The following CTPS1 variants were observed in gnomAD, a reference collection of about 807,000 sequenced individuals.
CTPS1 encodes CTP synthetase 1.
Under a neutral mutation model 80.5 loss-of-function variants are expected in CTPS1, and 25 were observed. The ratio of observed to expected loss-of-function variants is 0.31; its 90% CI spans 0.23 to 0.43. CTPS1 has a LOEUF of 0.43. Among genes scored for constraint, CTPS1 ranks in the 20% least tolerant of loss-of-function variants. The pLI is 1.00. For missense variants in CTPS1, 442 were observed against 725.7 expected, an observed-to-expected ratio of 0.61 and a Z score of 4.49; for synonymous variants, 267 against 252.5, an observed-to-expected ratio of 1.06 and a Z score of -0.54.
In CTPS1 at chr1:41,007,572, C is replaced by G; in HGVS notation, c.1393+27C>G. 8 of 1,599,442 alleles carry G rather than the reference C, an allele frequency of 5.0e-6. No individual in the cohort carries two copies. The highest frequency in any genetic ancestry group is 6.9e-6 in the Non-Finnish European group (8 of 1,167,490). ...TAAGAGCTGCCTCACGCTGGCCCAG[C>G]CTTTGGCTCTGCGTGCCCAGGACGC... On this transcript the variant is annotated intron_variant, in intron 14 of 18. Transcript: ENST00000650070. This position sits in a 1 kb window ranked among gnomAD's most constrained non-coding sequence, Gnocchi z 4.4.
chr1:41,009,671 ACAGT>A, intron 17 of CTPS1, 82 bp downstream of exon 17: 1 of 1,522,936 alleles, frequency 6.6e-7, no homozygotes, highest in Non-Finnish European at 8.9e-7. Context: ...GCAACACGTC[ACAGT>A]CAGTCATAAG....
In CTPS1 at chr1:41,007,543, T is replaced by C. The variant is rs770906549; in HGVS notation, c.1391T>C (p.Met464Thr). ...RTLFQTKNSVMRKLYGDADYL... is the reference protein window; with the variant it reads ...RTLFQTKNSVTRKLYGDADYL... ...CTGTTCCAGACCAAGAACTCAGTCA[T>C]GAGTAAGAGCTGCCTCACGCTGGCC... The change falls in exon 14 of 19, where the codon ATG becomes ACG. Residue 464 changes from methionine to threonine, a missense_variant and splice_region_variant. Coordinates refer to ENST00000650070, the MANE Select transcript of CTPS1 (RefSeq NM_001905.4). The surrounding 1 kb of genome is among the most constrained non-coding windows in gnomAD (Gnocchi z 4.4). The C allele has an allele frequency of 1.9e-6, 3 of 1,613,846 alleles. No individual in the cohort carries two copies. The highest frequency in any genetic ancestry group is 2.2e-5 in the South Asian group (2 of 91,064).
At chr1:41,005,366 A>G (rs1643007424) in intron 12 of CTPS1, among the ~76,000 whole-genome samples, 1 of 151,674 alleles carries the variant, frequency 6.6e-6, no homozygotes, top group Non-Finnish European at 1.5e-5. Context: ...ATCGCTTGAG[A>G]CCTGGAGGTG....
chr1:40,983,374 G>A lies in CTPS1; in HGVS notation c.84G>A (p.Lys28=), dbSNP rs1331848751. 6.2e-7 allele frequency: 1 copy of A among 1,614,094 alleles called. No individual in the cohort carries two copies. ...IIASSVGTIL[K]SCGLHVTSIK... is the part of the protein sequence containing the mutation. ...CCAGCAGTGTGGGCACAATACTCAA[G>A]TCATGTGGTTTACATGTAACTTCAA... is the stretch of plus-strand genomic sequence containing the variant. The change falls in exon 2 of 19, where the codon AAG becomes AAA. Residue 28 remains lysine (K), a synonymous_variant. Transcript: ENST00000650070.
intron 3 of CTPS1, among the ~76,000 whole-genome samples, chr1:40,986,440 C>T (rs1436599530): frequency 2.0e-5 from 3 of 152,140 alleles, no homozygotes; most frequent in Admixed American, 6.5e-5. Flanking sequence ...GTCGCTGGGC[C>T]GCAGCAAGAA....
At chr1:40,984,798 A>T (rs1272092989) in intron 2 of CTPS1, 23 bp from the exon 3 acceptor site, 1 of 1,476,884 alleles carries the variant, frequency 6.8e-7, no homozygotes, top group African/African-American at 1.4e-5. Context: ...ACTTAACGTA[A>T]ATGGTTTCTC....
intron 11 of CTPS1, 60 bp downstream of exon 11, chr1:41,002,314 A>G: frequency 7.3e-7 from 1 of 1,376,234 alleles, no homozygotes; most frequent in Non-Finnish European, 1.0e-6. Context: ...GAACGGTGCC[A>G]CGTGGGAGCC....
At chr1:40,999,212 A>T (rs577422849) in intron 9 of CTPS1, among the ~76,000 whole-genome samples, 1 of 152,234 alleles carries the variant, frequency 6.6e-6, no homozygotes, top group South Asian at 2.1e-4. Flanking sequence ...TAGATAGAGC[A>T]CGTCCAAGGG....
rs143597296 is a variant in CTPS1 at position 40,984,576 on chromosome 1, A to G, written c.167-245A>G. On this transcript the variant is annotated intron_variant, in intron 2 of 18. Transcript: ENST00000650070. ...CTGGGCTGTCATTTCTTCCCATCCC[A>G]TGCTATTTTATAACTCTTCTTAAGA... Among the ~76,000 whole-genome samples, 482 of 152,290 alleles carry G rather than the reference A, an allele frequency of 3.2e-3. 1 individual carries two copies. Among genetic ancestry groups the G allele is most frequent in the African/African-American group, 0.011 (442 of 41,570 alleles).
intron 14 of CTPS1, among the ~76,000 whole-genome samples, chr1:41,008,138 G>A (rs2148419739): frequency 6.6e-6 from 1 of 152,292 alleles, no homozygotes; most frequent in Non-Finnish European, 1.5e-5. Flanking sequence ...CAACTCTGAT[G>A]TTCTGTGGAT....
rs547771441 is a variant in CTPS1, at chr1:40,982,003, T to C, written c.-13-1275T>C. 336 of 1,288,992 alleles carry C rather than the reference T, an allele frequency of 2.6e-4. 2 individuals are homozygous for C. In the African/African-American group the frequency reaches 4.8e-3, roughly 18 times the overall value. 79.8% of individuals were successfully genotyped at this position (1,288,992 alleles called of 1,614,324 possible). ...GTCCTGACCATGCCAAAGTAAGCAT[T>C]TTCTGCTACTTTCTAATTGTGTTTT... On this transcript the variant is annotated intron_variant, in intron 1 of 18. Coordinates refer to ENST00000650070, the MANE Select transcript of CTPS1 (RefSeq NM_001905.4).
intron 13 of CTPS1, among the ~76,000 whole-genome samples, 187 bp downstream of exon 13, chr1:41,006,281 A>G (rs926273273): frequency 2.0e-5 from 3 of 152,162 alleles, no homozygotes; most frequent in Non-Finnish European, 4.4e-5. Context: ...TTCCTCCCTA[A>G]TCTTTCATTG....
intron 7 of CTPS1, among the ~76,000 whole-genome samples, chr1:40,992,679 T>C (rs1377435133): frequency 6.8e-6 from 1 of 147,914 alleles, no homozygotes; most frequent in Non-Finnish European, 1.5e-5. Flanking sequence ...TTAAAATTGT[T>C]CAATTTTTTT....
chr1:41,009,068 G>T (rs1372242408), intron 16 of CTPS1, among the ~76,000 whole-genome samples, 178 bp downstream of exon 16: 1 of 152,204 alleles, frequency 6.6e-6, no homozygotes, highest in Non-Finnish European at 1.5e-5. Flanking sequence ...CTTCTTTCTG[G>T]TACATGGCCT....
intron 13 of CTPS1, among the ~76,000 whole-genome samples, chr1:41,006,892 G>A (rs947404573): frequency 6.6e-6 from 1 of 152,184 alleles, no homozygotes; most frequent in African/African-American, 2.4e-5. Flanking sequence ...CCTCAGGAGT[G>A]GACCAGCAAA....
chr1:41,005,843 G>T (rs1219217590), intron 12 of CTPS1, among the ~76,000 whole-genome samples: 3 of 152,052 alleles, frequency 2.0e-5, no homozygotes, highest in Non-Finnish European at 4.4e-5. Flanking sequence ...GTTCAAGGCT[G>T]CAGTGAGCTA....
chr1:40,991,982 C>A, intron 7 of CTPS1, 137 bp downstream of exon 7: 2 of 665,960 alleles, frequency 3.0e-6, no homozygotes, highest in Non-Finnish European at 5.3e-6. Context: ...TGCCATCGGC[C>A]ATTCCCTGCC....
At chr1:41,008,561 T>C (rs962057884) in intron 14 of CTPS1, 98 bp from the exon 15 acceptor site, 105 of 1,283,066 alleles carry the variant, frequency 8.2e-5, no homozygotes, top group Non-Finnish European at 1.1e-4. Context: ...GACCTGGCTG[T>C]GTGGATGATG....
chr1:41,000,389 C>T, intron 9 of CTPS1, among the ~76,000 whole-genome samples: 1 of 151,560 alleles, frequency 6.6e-6, no homozygotes, highest in Non-Finnish European at 1.5e-5. Flanking sequence ...ACTACAGGTG[C>T]ATGCCACCAC....
Sources: gnomAD v4.1 joint callset for allele counts (sites outside exome capture counted in the v4.1 genomes callset) on GRCh38, gnomAD v4.1.1 for gene constraint, Gnocchi (gnomAD v3.1) non-coding constraint, MANE v1.5 for transcripts, NCBI Gene and HGNC (gene_info 2026-07-23, HGNC 2026-07-21) for gene names.